The following DNAH5 variants were observed in gnomAD, a reference collection of about 807,000 sequenced individuals.
DNAH5 encodes the protein axonemal beta dynein heavy chain 5.
A neutral mutation model predicts 518.2 loss-of-function variants in DNAH5; 372 were observed. The ratio of observed to expected loss-of-function variants is 0.72; its 90% confidence interval spans 0.66 to 0.78. The LOEUF (loss-of-function observed/expected upper bound fraction) is 0.78. Ranked by LOEUF, DNAH5 falls within the 30% of genes least tolerant of loss-of-function variation. The probability of loss-of-function intolerance (pLI) is 0.00; values close to 1 mark genes in which losing one functional copy is unlikely to be tolerated. For missense variants in DNAH5, 5,523 were observed against 5,687.0 expected (o/e 0.97, Z 0.93); for synonymous variants, 2,039 against 2,025.9 (o/e 1.01, Z -0.17).
At chr5:13,839,713 G>A (rs545986737) in intron 34 of DNAH5, among the ~76,000 whole-genome samples, 185 bp from the exon 35 acceptor site, 1 of 152,254 alleles carries the variant, frequency 6.6e-6, no homozygotes, top group East Asian at 1.9e-4. Context: ...AAAGAAACTA[G>A]AAGATATAGG....
intron 2 of DNAH5, among the ~76,000 whole-genome samples, 175 bp downstream of exon 2, chr5:13,930,935 C>G (rs966088159): frequency 1.3e-5 from 2 of 152,202 alleles, no homozygotes; most frequent in Non-Finnish European, 2.9e-5. Context: ...ACATGGAGAG[C>G]TGGAGAGCCT....
chr5:13,957,246 A>G (rs1317586416), intron 1 of DNAH5, among the ~76,000 whole-genome samples: 2 of 152,248 alleles, frequency 1.3e-5, no homozygotes, highest in Non-Finnish European at 2.9e-5. Flanking sequence ...GCTGACTACT[A>G]GTGGAGGTTA....
intron 31 of DNAH5, among the ~76,000 whole-genome samples, chr5:13,849,714 A>G (rs556969048): frequency 6.6e-6 from 1 of 152,120 alleles, no homozygotes; most frequent in Non-Finnish European, 1.5e-5. Context: ...AGCCGTCTCA[A>G]ATTTTTTTTT....
At chr5:13,998,873 A>G (rs1784148374) in intron 1 of DNAH5, among the ~76,000 whole-genome samples, 1 of 151,768 alleles carries the variant, frequency 6.6e-6, no homozygotes, top group South Asian at 2.1e-4. Flanking sequence ...ATGGCCATTG[A>G]TTACTTCTTT....
At position 13,716,521 on chromosome 5, in the gene DNAH5, C is replaced by A. The variant is rs1333514060; in HGVS notation, c.12875G>T (p.Cys4292Phe). Reference sequence around the variant, plus strand: ...CTGAAGATAGTTATCCACTGTGCTGCATTTTGGAATATTGTATCCTTGGTA... The same window carrying A: ...CTGAAGATAGTTATCCACTGTGCTGAATTTTGGAATATTGTATCCTTGGTA... Reference protein sequence around the residue: ...SFYQGYNIPKCSTVDNYLQYI... With the variant: ...SFYQGYNIPKFSTVDNYLQYI... The change falls in exon 74 of 79, where the codon TGC (cysteine) becomes TTC (phenylalanine). Residue 4292 changes from cysteine to phenylalanine, a missense_variant. By Grantham distance (205) the Cys-to-Phe change is radical (BLOSUM62 -2). This residue lies in a region of DNAH5 where 387 missense variants were observed against 430.0 expected (regional missense o/e 0.90). Transcript: ENST00000265104. The A allele has an allele frequency of 3.1e-6, 5 of 1,613,748 alleles. No individual in the cohort carries two copies. In the African/African-American group the frequency reaches 5.3e-5, roughly 17 times the overall value.
intron 1 of DNAH5, among the ~76,000 whole-genome samples, chr5:13,981,445 A>C (rs1782667634): frequency 6.6e-6 from 1 of 152,228 alleles, no homozygotes; most frequent in Non-Finnish European, 1.5e-5. Flanking sequence ...CTCATGCCTC[A>C]TACTTCCTTG....
intron 1 of DNAH5, among the ~76,000 whole-genome samples, chr5:13,972,768 T>C (rs1781967951): frequency 6.6e-6 from 1 of 152,186 alleles, no homozygotes; most frequent in East Asian, 1.9e-4. Context: ...GTTCCTGCAG[T>C]AGTTCTTGGA....
intron 70 of DNAH5, among the ~76,000 whole-genome samples, chr5:13,726,623 G>T (rs1242852273): frequency 6.6e-6 from 1 of 152,176 alleles, no homozygotes; most frequent in East Asian, 1.9e-4. Context: ...AAACTGAAAG[G>T]AAAGGTGATC....
At position 13,810,185 on chromosome 5, in the gene DNAH5, C is replaced by T; in HGVS notation, c.7483G>A (p.Ala2495Thr). ...CGGCGCCGTCCGTCCAGCTCCAGCGCCGCCCCCGCGCTCCACAGCAGCGCG... is the reference window on the plus strand; with the variant it reads ...CGGCGCCGTCCGTCCAGCTCCAGCGTCGCCCCCGCGCTCCACAGCAGCGCG... The part of the protein sequence containing the change: ...VFALLWSAGA[A>T]LELDGRRRLE... The change falls in exon 45 of 79, where the codon GCG becomes ACG. Residue 2495 changes from alanine to threonine, a missense_variant. This residue lies in a region of DNAH5 where 5,121 missense variants were observed against 5,223.3 expected (regional missense o/e 0.98). Coordinates refer to ENST00000265104, the MANE Select transcript of DNAH5 (RefSeq NM_001369.3). The T allele has an allele frequency of 1.3e-6, 2 of 1,549,138 alleles. No homozygotes were observed. The highest frequency in any genetic ancestry group is 1.7e-6 in the Non-Finnish European group (2 of 1,146,048).
At chr5:13,814,509 A>T in intron 43 of DNAH5, 96 bp downstream of exon 43, 1 of 1,222,838 alleles carries the variant, frequency 8.2e-7, no homozygotes, top group Non-Finnish European at 1.2e-6. Context: ...AAATGCAGTT[A>T]CACTGCCATC....
chr5:13,805,158 T>C (rs1445008083), intron 47 of DNAH5, among the ~76,000 whole-genome samples: 3 of 152,110 alleles, frequency 2.0e-5, no homozygotes, highest in Non-Finnish European at 2.9e-5. Context: ...TTAAGTCACA[T>C]GATATCAGTT....
chr5:13,780,938 G>A lies in DNAH5; in HGVS notation c.8842C>T (p.Pro2948Ser), dbSNP rs374634044. ...LVKISRVIRTPQGNALLVGVG... is the reference protein window; with the variant it reads ...LVKISRVIRTSQGNALLVGVG... ...CCGACCAGGAGGGCATTTCCCTGAGGAGTACGAATGACACGAGAGATCTGT... is the reference window on the plus strand; with the variant it reads ...CCGACCAGGAGGGCATTTCCCTGAGAAGTACGAATGACACGAGAGATCTGT... The change falls in exon 53 of 79, where the codon CCT becomes TCT. Residue 2948 changes from proline to serine, a missense_variant. By Grantham distance (74) the Pro-to-Ser change is moderately conservative. Around this residue, in one of 3 missense-constraint regions of DNAH5, gnomAD observed 5,121 missense variants for 5,223.3 expected, o/e 0.98. Transcript: ENST00000265104. 291 of 1,613,728 alleles carry A rather than the reference G, an allele frequency of 1.8e-4. 3 individuals carry two copies. The South Asian group carries it at 2.7e-3, about 15-fold the overall frequency.
At chr5:13,719,978 A>G (rs1209151879) in intron 71 of DNAH5, among the ~76,000 whole-genome samples, 1 of 152,158 alleles carries the variant, frequency 6.6e-6, no homozygotes, top group East Asian at 1.9e-4. Context: ...AATTTCCTCA[A>G]TATCTAATCT....
At chr5:13,966,485 T>G (rs944388946) in intron 1 of DNAH5, among the ~76,000 whole-genome samples, 1 of 152,252 alleles carries the variant, frequency 6.6e-6, no homozygotes, top group African/African-American at 2.4e-5. Flanking sequence ...CCACCAGCAG[T>G]GTAAAAGTGT....
chr5:13,692,592 C>G (rs1740840594), intron 78 of DNAH5, among the ~76,000 whole-genome samples: 2 of 152,130 alleles, frequency 1.3e-5, no homozygotes, highest in South Asian at 4.1e-4. Context: ...ATTTTAAATC[C>G]CAGGACAGAG....
At chr5:13,874,482 C>G (rs906377136) in intron 22 of DNAH5, among the ~76,000 whole-genome samples, 4 of 151,962 alleles carry the variant, frequency 2.6e-5, no homozygotes, top group Admixed American at 6.6e-5. Context: ...GATTATGTAA[C>G]CAAGGTTATT....
intron 1 of DNAH5, among the ~76,000 whole-genome samples, chr5:13,950,880 G>A (rs888737498): frequency 1.1e-4 from 16 of 152,184 alleles, no homozygotes; most frequent in African/African-American, 3.9e-4. Context: ...TTTATTAGAA[G>A]CTTGTTTGTA....
At chr5:13,842,442 A>AGAAAGAAAGAAAGAAG (rs1285670357) in intron 32 of DNAH5, among the ~76,000 whole-genome samples, 17 of 109,976 alleles carry the variant, frequency 1.5e-4, no homozygotes, top group Middle Eastern at 3.9e-3. Context: ...AAAGAAAGAA[A>AGAAAGAAAGAAAGAAG]GAAAGAAAGA....
chr5:13,704,375 T>C (rs1368084529), intron 76 of DNAH5, among the ~76,000 whole-genome samples: 1 of 152,224 alleles, frequency 6.6e-6, no homozygotes, highest in East Asian at 1.9e-4. Context: ...TAGAGGAAGC[T>C]GTCTAGTGTA....
Sources: allele counts gnomAD v4.1 joint callset (sites outside exome capture counted in the v4.1 genomes callset), GRCh38; gene constraint gnomAD v4.1.1; regional missense constraint gnomAD v4.1.1; transcripts MANE v1.5; gene names NCBI Gene and HGNC (gene_info 2026-07-23, HGNC 2026-07-21).